The following NEIL2 variants were observed in gnomAD, a reference collection of about 807,000 sequenced individuals.
NEIL2 encodes the protein nei like DNA glycosylase 2, also known as endonuclease 8-like 2.
A neutral mutation model predicts 22.2 loss-of-function variants in NEIL2; 23 were observed. The observed-to-expected ratio is 1.04, with a 90% CI of 0.75 to 1.47. NEIL2 has a LOEUF of 1.47. Ranked by LOEUF, NEIL2 falls within the 40% of genes most tolerant of loss-of-function variation. NEIL2 has a pLI of 0.00. For synonymous variants in NEIL2, 229 were observed against 164.8 expected (o/e 1.39, Z -2.99); for missense variants, 583 against 404.7 (o/e 1.44, Z -3.78).
chr8:11,782,997 C>A, intron 3 of NEIL2: 20 of 538,576 alleles, frequency 3.7e-5, no homozygotes, highest in East Asian at 6.8e-5. Context: ...TGTATGTGTG[C>A]ATGATCCAGC....
intron 3 of NEIL2, among the ~76,000 whole-genome samples, chr8:11,781,234 T>C (rs1037072274): frequency 1.3e-5 from 2 of 152,132 alleles, no homozygotes; most frequent in Non-Finnish European, 1.5e-5. Flanking sequence ...TCGGAGTAGC[T>C]TCTGTGGTCT....
intron 4 of NEIL2, among the ~76,000 whole-genome samples, chr8:11,785,747 G>A (rs1054600858): frequency 2.6e-5 from 4 of 152,118 alleles, no homozygotes; most frequent in Non-Finnish European, 5.9e-5. Flanking sequence ...TGCCATGACG[G>A]GCCATGCATG....
At position 11,774,481 on chromosome 8, in the gene NEIL2, C is replaced by T. The variant is rs8191567; in HGVS notation, c.138+2896C>T. Among the ~76,000 whole-genome samples, 36 of 152,156 alleles carry T rather than the reference C, an allele frequency of 2.4e-4. 1 individual carries two copies. Among genetic ancestry groups the T allele is most frequent in the Admixed American group, 1.3e-4 (2 of 15,274 alleles). The stretch of plus-strand genomic sequence containing the variant: ...CCCACTGGGTACCTCCCACCAGGTC[C>T]GTCCCATAACACATGGGAATCATGG... On this transcript the variant is annotated intron_variant, in intron 2 of 4. Coordinates refer to ENST00000284503, the MANE Select transcript of NEIL2 (RefSeq NM_145043.4).
intron 2 of NEIL2, among the ~76,000 whole-genome samples, chr8:11,772,440 G>A (rs1803539455): frequency 6.6e-6 from 1 of 152,108 alleles, no homozygotes; most frequent in African/African-American, 2.4e-5. Context: ...TCCCAACTCT[G>A]CCCCTGTTCC....
At chr8:11,772,418 T>G (rs892177576) in intron 2 of NEIL2, among the ~76,000 whole-genome samples, 1 of 152,182 alleles carries the variant, frequency 6.6e-6, no homozygotes, top group Non-Finnish European at 1.5e-5. Flanking sequence ...CTCAAGCACT[T>G]CTTCCTTTTT....
chr8:11,783,461 G>A, intron 4 of NEIL2, 62 bp downstream of exon 4: 1 of 1,466,058 alleles, frequency 6.8e-7, no homozygotes, highest in East Asian at 2.3e-5. Flanking sequence ...CGGTCCTGTG[G>A]GAGTCAGAAG....
Position 11,779,863 on chromosome 8 carries a change from T to G in NEIL2, c.404T>G (p.Phe135Cys), listed in dbSNP as rs376883757. Residue 135 changes from phenylalanine to cysteine, a missense_variant, in exon 3 of 5, where the codon TTT (phenylalanine) becomes TGT (cysteine). Transcript: ENST00000284503. Reference protein sequence around the residue: ...GDAGRWLRVSFGLFGSVWVND... With the variant: ...GDAGRWLRVSCGLFGSVWVND... ...GCTGGGAGGTGGCTGCGTGTCAGCT[T>G]TGGTTTGTTTGGCAGCGTTTGGGTG... is the stretch of plus-strand genomic sequence containing the variant. The G allele has an allele frequency of 7.9e-5, 128 of 1,613,830 alleles. No individual in the cohort carries two copies. The highest frequency in any genetic ancestry group is 1.1e-4 in the Non-Finnish European group (127 of 1,179,988).
intron 3 of NEIL2, among the ~76,000 whole-genome samples, chr8:11,780,447 C>T (rs1209869703): frequency 6.6e-6 from 1 of 152,204 alleles, no homozygotes; most frequent in South Asian, 2.1e-4. Flanking sequence ...GTGGCACGAT[C>T]TCGCCTCACT....
chr8:11,786,684 G>C lies in NEIL2; in HGVS notation c.*411G>C. On this transcript the variant is annotated 3_prime_UTR_variant, in exon 5 of 5. Coordinates refer to ENST00000284503, the MANE Select transcript of NEIL2 (RefSeq NM_145043.4). ...AGAGAGAGTCTTGCTCTGTCTCCCT[G>C]GCTAGGGTGTGGTGGTGTGATCTTG... 4.0e-6 allele frequency: 1 copy of C among 251,624 alleles called. No homozygotes were observed. Among genetic ancestry groups the C allele is most frequent in the South Asian group, 4.1e-5 (1 of 24,590 alleles). The allele number at this position is 251,624 out of a possible 1,614,324, so 15.6% of individuals were successfully genotyped here.
At position 11,769,775 on chromosome 8, in the gene NEIL2, C is replaced by A. The variant is rs901939189; in HGVS notation, c.-563C>A. 8 of 152,340 alleles carry A rather than the reference C, an allele frequency of 5.3e-5. No homozygotes were observed. The highest frequency in any genetic ancestry group is 2.1e-4 in the South Asian group (1 of 4,834). The allele number at this position is 152,340 out of a possible 1,614,324, so 9.4% of individuals were successfully genotyped here. A position where few individuals can be genotyped will look rare whatever the true frequency, so the allele number is the denominator to read the frequency against. ...AGCGGTGCTGGGTCGGGCCGACGTGCCACCCACCCGGAGCCGGTGAGTGCA... is the reference window on the plus strand; with the variant it reads ...AGCGGTGCTGGGTCGGGCCGACGTGACACCCACCCGGAGCCGGTGAGTGCA... On this transcript the variant is annotated 5_prime_UTR_variant, in exon 1 of 5. Transcript: ENST00000284503.
chr8:11,770,454 TG>T (rs1803341167), intron 1 of NEIL2, 119 bp downstream of exon 1: 1 of 151,994 alleles, frequency 6.6e-6, no homozygotes, highest in Admixed American at 6.6e-5. Flanking sequence ...CACCAGCGAG[TG>T]TAAGATGCGC....
Position 11,787,065 on chromosome 8 carries a change from A to T in NEIL2, c.*792A>T, listed in dbSNP as rs1238699063. 1 of 152,534 alleles carries T rather than the reference A, an allele frequency of 6.6e-6. No individual in the cohort carries two copies. The highest frequency in any genetic ancestry group is 1.5e-5 in the Non-Finnish European group (1 of 68,142). The allele number at this position is 152,534 out of a possible 1,614,324, so 9.4% of individuals were successfully genotyped here. On this transcript the variant is annotated 3_prime_UTR_variant, in exon 5 of 5. Coordinates refer to ENST00000284503, the MANE Select transcript of NEIL2 (RefSeq NM_145043.4). ...CTGGAGGATCCAGGGATGAGGATAG[A>T]GTGGCCTGAGAGCAGTGCTTGGATT...
intron 4 of NEIL2, among the ~76,000 whole-genome samples, chr8:11,785,388 GT>G (rs1197480442): frequency 6.7e-6 from 1 of 149,994 alleles, no homozygotes; most frequent in African/African-American, 2.5e-5. Context: ...TAGAGATGGG[GT>G]TTCACCATGT....
intron 2 of NEIL2, among the ~76,000 whole-genome samples, chr8:11,772,211 G>A (rs916353028): frequency 2.0e-5 from 3 of 150,534 alleles, no homozygotes; most frequent in Non-Finnish European, 4.4e-5. Flanking sequence ...TCAAAAAAAA[G>A]AAAAGAAAAG....
intron 2 of NEIL2, among the ~76,000 whole-genome samples, chr8:11,779,136 C>A (rs1216622553): frequency 6.6e-6 from 1 of 151,996 alleles, no homozygotes; most frequent in Non-Finnish European, 1.5e-5. Context: ...GTTTCCTTAT[C>A]AAGTCCAATA....
intron 2 of NEIL2, among the ~76,000 whole-genome samples, chr8:11,778,803 T>G (rs1038275393): frequency 6.6e-6 from 1 of 151,750 alleles, no homozygotes; most frequent in Non-Finnish European, 1.5e-5. Context: ...TATACAAAAA[T>G]TAGCTGGGGG....
chr8:11,786,594 C>T lies in NEIL2; in HGVS notation c.*321C>T, dbSNP rs1804978264. 3 of 389,654 alleles carry T rather than the reference C, an allele frequency of 7.7e-6. No individual in the cohort carries two copies. Among genetic ancestry groups the T allele is most frequent in the South Asian group, 2.5e-5 (1 of 40,772 alleles). 24.1% of individuals were successfully genotyped at this position (389,654 alleles called of 1,614,324 possible). On this transcript the variant is annotated 3_prime_UTR_variant, in exon 5 of 5. Coordinates refer to ENST00000284503, the MANE Select transcript of NEIL2 (RefSeq NM_145043.4). ...GAAAAAGAAAGCCTATGGGAAATGG[C>T]TGTGCTCCCAACATAGCTTTGCAGA...
intron 4 of NEIL2, among the ~76,000 whole-genome samples, chr8:11,783,669 C>T (rs1245167382): frequency 6.6e-6 from 1 of 152,246 alleles, no homozygotes; most frequent in Non-Finnish European, 1.5e-5. Context: ...GGAGCATCAC[C>T]TCCTAAAGGG....
chr8:11,783,079 G>T (rs1402554658), intron 3 of NEIL2, 124 bp from the exon 4 acceptor site: 2 of 811,512 alleles, frequency 2.5e-6, no homozygotes, highest in Non-Finnish European at 4.4e-6. Context: ...TCCAGCCACA[G>T]AGTGTGCTCT....
Sources: allele counts gnomAD v4.1 joint callset (sites outside exome capture counted in the v4.1 genomes callset), GRCh38; gene constraint gnomAD v4.1.1; transcripts MANE v1.5; gene names NCBI Gene and HGNC (gene_info 2026-07-23, HGNC 2026-07-21).